TOM1L2: variants seen among roughly 807,000 people sequenced by gnomAD.
TOM1L2 encodes the protein target of myb1 like 2 membrane trafficking protein, also known as TOM1-like protein 2.
TOM1L2 carries 31 observed loss-of-function variants against 67.9 expected under a neutral mutation model. The observed-to-expected ratio is 0.46, with a 90% CI of 0.34 to 0.62. The LOEUF (loss-of-function observed/expected upper bound fraction) is 0.62, where lower values mean the gene tolerates loss of function less well. TOM1L2 is among the 20% of genes least tolerant of loss of function. The pLI is 0.01. For missense variants in TOM1L2, 606 were observed against 663.5 expected, an observed-to-expected ratio of 0.91 and a Z score of 0.95; for synonymous variants, 256 against 254.0, an observed-to-expected ratio of 1.01 and a Z score of -0.07.
intron 7 of TOM1L2, 67 bp downstream of exon 7, chr17:17,879,560 G>T: frequency 7.6e-7 from 1 of 1,311,042 alleles, no homozygotes; most frequent in Non-Finnish European, 1.1e-6. Context: ...CCCCGGGTGG[G>T]ATCCTCCAAC....
chr17:17,899,002 C>T (rs1426516523), intron 2 of TOM1L2, among the ~76,000 whole-genome samples: 1 of 152,210 alleles, frequency 6.6e-6, no homozygotes, highest in Admixed American at 6.5e-5. Flanking sequence ...AGCAAACATA[C>T]ATAGCACAGG....
intron 4 of TOM1L2, among the ~76,000 whole-genome samples, chr17:17,889,694 G>A (rs149250807): frequency 6.6e-6 from 1 of 152,256 alleles, no homozygotes; most frequent in Admixed American, 6.5e-5. Context: ...TTCCATAATG[G>A]AAAGGTTAAG....
chr17:17,882,553 G>A, intron 6 of TOM1L2, 152 bp downstream of exon 6: 3 of 1,074,722 alleles, frequency 2.8e-6, no homozygotes, highest in Non-Finnish European at 3.9e-6. Context: ...GACTTCCTCA[G>A]CATCTCTCTC....
At chr17:17,927,952 T>C (rs1488019254) in intron 1 of TOM1L2, among the ~76,000 whole-genome samples, 1 of 152,190 alleles carries the variant, frequency 6.6e-6, no homozygotes, top group Non-Finnish European at 1.5e-5. Context: ...TTCCTTATCT[T>C]TTAGAAATGC....
intron 2 of TOM1L2, 133 bp downstream of exon 2, chr17:17,907,314 A>G: frequency 4.2e-6 from 3 of 713,374 alleles, no homozygotes; most frequent in Non-Finnish European, 6.8e-6. Flanking sequence ...TCAGAGTGTC[A>G]GCTTATTCGA....
At chr17:17,884,884 A>G in intron 4 of TOM1L2, 116 bp from the exon 5 acceptor site, 1 of 1,363,732 alleles carries the variant, frequency 7.3e-7, no homozygotes, top group Non-Finnish European at 1.0e-6. Flanking sequence ...TGCACATGCA[A>G]ATTGCACTGG....
intron 7 of TOM1L2, among the ~76,000 whole-genome samples, chr17:17,873,690 T>C (rs1350183081): frequency 6.6e-6 from 1 of 152,216 alleles, no homozygotes; most frequent in African/African-American, 2.4e-5. Flanking sequence ...GGGACGAAGC[T>C]GCAGGCAGCA....
intron 1 of TOM1L2, among the ~76,000 whole-genome samples, chr17:17,947,818 A>G (rs1448946637): frequency 2.0e-5 from 3 of 152,230 alleles, no homozygotes; most frequent in African/African-American, 7.2e-5. Context: ...CTTTCCAGAA[A>G]GTACAACAAG....
intron 1 of TOM1L2, among the ~76,000 whole-genome samples, chr17:17,932,175 T>C (rs1202303529): frequency 6.6e-6 from 1 of 152,244 alleles, no homozygotes; most frequent in Non-Finnish European, 1.5e-5. Flanking sequence ...TAGTAATTCT[T>C]AAGTGACTTA....
chr17:17,924,019 T>G (rs1183663660), intron 1 of TOM1L2, among the ~76,000 whole-genome samples: 2 of 151,840 alleles, frequency 1.3e-5, no homozygotes, highest in Admixed American at 1.3e-4. Flanking sequence ...GCACCTGTAA[T>G]CCCAGCTACT....
intron 2 of TOM1L2, among the ~76,000 whole-genome samples, chr17:17,906,303 A>C (rs2039098554): frequency 6.6e-6 from 1 of 151,422 alleles, no homozygotes; most frequent in African/African-American, 2.4e-5. Flanking sequence ...TAACTTTTGT[A>C]TTTTTTGTAA....
chr17:17,864,456 C>T lies in TOM1L2; in HGVS notation c.1085-1608G>A, dbSNP rs142177592. ...CGATCTCCTGACCTTGTGATCCACCCGCCTCGGCCTCCCAAAGTGCTGGGA... is the reference window on the plus strand; with the variant it reads ...CGATCTCCTGACCTTGTGATCCACCTGCCTCGGCCTCCCAAAGTGCTGGGA... On this transcript the variant is annotated intron_variant, in intron 10 of 14. Coordinates refer to ENST00000379504, the MANE Select transcript of TOM1L2 (RefSeq NM_001082968.2). Among the ~76,000 whole-genome samples, 422 of 150,682 alleles carry T rather than the reference C, an allele frequency of 2.8e-3. 12 individuals are homozygous for T. In the East Asian group the frequency reaches 0.07, roughly 25 times the overall value.
At chr17:17,862,650 C>T (rs2036621698) in intron 11 of TOM1L2, 81 bp downstream of exon 11, 2 of 1,188,060 alleles carry the variant, frequency 1.7e-6, no homozygotes, top group Non-Finnish European at 2.4e-6. Flanking sequence ...TAAATAAATG[C>T]CTTTTTGTGC....
intron 4 of TOM1L2, among the ~76,000 whole-genome samples, chr17:17,886,894 A>G (rs1056212861): frequency 6.6e-6 from 1 of 152,208 alleles, no homozygotes; most frequent in Admixed American, 6.5e-5. Context: ...CCTTCCAGGA[A>G]CTCAGCAGCA....
At chr17:17,918,162 A>C (rs967425142) in intron 1 of TOM1L2, among the ~76,000 whole-genome samples, 3 of 152,046 alleles carry the variant, frequency 2.0e-5, no homozygotes, top group Admixed American at 6.5e-5. Context: ...TTGTTAATGT[A>C]TATTAACAGA....
chr17:17,866,426 GAA>G lies in TOM1L2; in HGVS notation c.961-9_961-8del. 6.3e-7 allele frequency: 1 copy of G among 1,589,204 alleles called. No homozygotes were observed. Among genetic ancestry groups the G allele is most frequent in the Non-Finnish European group, 8.6e-7 (1 of 1,165,732 alleles). On this transcript the variant is annotated splice_region_variant and splice_polypyrimidine_tract_variant and intron_variant, in intron 9 of 14. Transcript: ENST00000379504. ...CGGTTACTTCATTCAGTACCTGTCA[GAA>G]CATGAGATTGGCCATAAGCCCCAGA...
intron 1 of TOM1L2, among the ~76,000 whole-genome samples, chr17:17,948,823 C>A (rs1158773307): frequency 1.3e-5 from 2 of 152,098 alleles, no homozygotes; most frequent in Admixed American, 1.3e-4. Context: ...CCCTATCAAC[C>A]CCACACTCTC....
intron 10 of TOM1L2, among the ~76,000 whole-genome samples, 192 bp from the exon 11 acceptor site, chr17:17,863,040 A>G (rs1201480195): frequency 6.6e-6 from 1 of 152,196 alleles, no homozygotes. Flanking sequence ...GGGACAGAAC[A>G]GCCACTGCCC....
At chr17:17,961,932 A>C (rs970217281) in intron 1 of TOM1L2, among the ~76,000 whole-genome samples, 1 of 152,190 alleles carries the variant, frequency 6.6e-6, no homozygotes, top group Non-Finnish European at 1.5e-5. Context: ...TGTTCATAGC[A>C]GCATTATTTA....
Sources: allele counts gnomAD v4.1 joint callset (sites outside exome capture counted in the v4.1 genomes callset), GRCh38; gene constraint gnomAD v4.1.1; transcripts MANE v1.5; gene names NCBI Gene and HGNC (gene_info 2026-07-23, HGNC 2026-07-21).